FGD4: variants seen among roughly 807,000 people sequenced by gnomAD.
FGD4 encodes the protein FYVE, RhoGEF and PH domain-containing protein 4.
FGD4 carries 42 observed loss-of-function variants against 102.0 expected under a neutral mutation model. The observed-to-expected ratio is 0.41, with a 90% CI of 0.32 to 0.53. The LOEUF (loss-of-function observed/expected upper bound fraction) is 0.53. Ranked by LOEUF, FGD4 falls within the 20% of genes least tolerant of loss-of-function variation. The probability of loss-of-function intolerance (pLI) is 0.21; values close to 1 mark genes in which losing one functional copy is unlikely to be tolerated. For synonymous variants in FGD4, 380 were observed against 375.7 expected, an observed-to-expected ratio of 1.01 and a Z score of -0.13; for missense variants, 902 against 1,078.2, an observed-to-expected ratio of 0.84 and a Z score of 2.29.
At chr12:32,632,421 C>T (rs992834513) in intron 14 of FGD4, among the ~76,000 whole-genome samples, 2 of 152,146 alleles carry the variant, frequency 1.3e-5, no homozygotes, top group Admixed American at 6.6e-5. Context: ...TGGAGGAGTC[C>T]TCCTTGAGGA....
intron 1 of FGD4, among the ~76,000 whole-genome samples, chr12:32,464,996 G>T (rs542213980): frequency 1.3e-5 from 2 of 152,174 alleles, no homozygotes. Flanking sequence ...AAATTGTGAT[G>T]TAATAGGGAT....
intron 1 of FGD4, among the ~76,000 whole-genome samples, chr12:32,481,167 A>G (rs1240154082): frequency 2.2e-5 from 3 of 133,890 alleles, no homozygotes; most frequent in Non-Finnish European, 3.2e-5. Context: ...AGCCGGGCGC[A>G]GTGGCTCATG....
intron 7 of FGD4, among the ~76,000 whole-genome samples, chr12:32,607,325 G>A (rs1948842582): frequency 6.6e-6 from 1 of 152,110 alleles, no homozygotes; most frequent in Admixed American, 6.5e-5. Flanking sequence ...TAGCTACTTG[G>A]AAGGCTGAGG....
intron 1 of FGD4, among the ~76,000 whole-genome samples, chr12:32,461,404 T>C (rs117441366): frequency 3.9e-5 from 6 of 152,308 alleles, no homozygotes; most frequent in Non-Finnish European, 8.8e-5. Flanking sequence ...TCACATGTTA[T>C]AGAAAAATAC....
intron 1 of FGD4, among the ~76,000 whole-genome samples, chr12:32,453,237 ATTTTTTTTT>A (rs60006767): frequency 0.056 from 5,030 of 90,100 alleles, 198 homozygotes; most frequent in Non-Finnish European, 0.075. Context: ...ATATATATAT[ATTTTTTTTT>A]TTTTAAATGT....
chr12:32,619,911 G>A (rs1384687864), intron 11 of FGD4, 41 bp downstream of exon 11: 1 of 1,606,122 alleles, frequency 6.2e-7, no homozygotes, highest in Non-Finnish European at 8.5e-7. Context: ...CCAAAATCAG[G>A]CAACAGAATG....
At chr12:32,497,527 G>T (rs1376409145) in intron 1 of FGD4, among the ~76,000 whole-genome samples, 3 of 152,116 alleles carry the variant, frequency 2.0e-5, no homozygotes, top group African/African-American at 7.2e-5. Flanking sequence ...GGCTTTTTGG[G>T]TTCACTGATA....
At chr12:32,542,564 A>T (rs534964344) in intron 1 of FGD4, among the ~76,000 whole-genome samples, 47 of 152,312 alleles carry the variant, frequency 3.1e-4, no homozygotes, top group Non-Finnish European at 6.0e-4. Flanking sequence ...GAATAAATGG[A>T]AAATAGTTTG....
intron 1 of FGD4, among the ~76,000 whole-genome samples, chr12:32,440,501 TAC>T (rs775200156): frequency 1.3e-5 from 2 of 152,184 alleles, no homozygotes; most frequent in South Asian, 4.1e-4. Flanking sequence ...CTCCCAAACA[TAC>T]AGAGTCCCTG....
At chr12:32,498,748 G>T (rs557002548) in intron 1 of FGD4, among the ~76,000 whole-genome samples, 88 of 152,112 alleles carry the variant, frequency 5.8e-4, no homozygotes, top group African/African-American at 2.1e-3. Context: ...GACCACAGGC[G>T]CACACCACCA....
chr12:32,408,630 T>A (rs2733705), intron 1 of FGD4, among the ~76,000 whole-genome samples: 2 of 151,928 alleles, frequency 1.3e-5, no homozygotes, highest in Non-Finnish European at 2.9e-5. Context: ...ACTGTGTGGA[T>A]CTGCCTTGCT....
intron 1 of FGD4, among the ~76,000 whole-genome samples, chr12:32,419,645 G>A (rs1490490127): frequency 1.3e-5 from 2 of 152,218 alleles, no homozygotes; most frequent in Non-Finnish European, 2.9e-5. Context: ...GCTTGCCTAG[G>A]AATTGCAGTC....
chr12:32,564,190 A>G lies in FGD4; in HGVS notation c.220A>G (p.Thr74Ala). Residue 74 changes from threonine to alanine, a missense_variant, in exon 2 of 17, where the codon ACA becomes GCA. Coordinates refer to ENST00000534526, the MANE Select transcript of FGD4 (RefSeq NM_001370298.3). ...ALVPPCSTSSTTTLVGENVSE... is the reference protein window; with the variant it reads ...ALVPPCSTSSATTLVGENVSE... ...AGTTCCACCTTGCTCCACAAGCAGC[A>G]CAACCACACTGGTTGGTGAGAATGT... 1 of 1,536,176 alleles carries G rather than the reference A, an allele frequency of 6.5e-7. No individual in the cohort carries two copies. Among genetic ancestry groups the G allele is most frequent in the Non-Finnish European group, 8.7e-7 (1 of 1,146,912 alleles).
At chr12:32,557,361 C>A (rs563827435) in intron 1 of FGD4, among the ~76,000 whole-genome samples, 1 of 152,262 alleles carries the variant, frequency 6.6e-6, no homozygotes, top group East Asian at 1.9e-4. Flanking sequence ...TGCTATCTTC[C>A]CTCTCTTTCA....
intron 1 of FGD4, among the ~76,000 whole-genome samples, chr12:32,558,486 G>A (rs1944291056): frequency 6.6e-6 from 1 of 152,190 alleles, no homozygotes; most frequent in Admixed American, 6.5e-5. Context: ...TGTGGTAAGA[G>A]GTCAGGCTCG....
At chr12:32,420,991 C>G (rs758313999) in intron 1 of FGD4, among the ~76,000 whole-genome samples, 1 of 152,128 alleles carries the variant, frequency 6.6e-6, no homozygotes, top group Non-Finnish European at 1.5e-5. Flanking sequence ...CTCCTGGGCT[C>G]AAGTGATCCT....
intron 1 of FGD4, among the ~76,000 whole-genome samples, chr12:32,440,365 A>G (rs1472496309): frequency 2.0e-5 from 3 of 152,236 alleles, no homozygotes; most frequent in Non-Finnish European, 4.4e-5. Context: ...GGGGCACCCC[A>G]AGCTCAGTAA....
intron 14 of FGD4, 135 bp from the exon 15 acceptor site, chr12:32,633,414 T>C (rs887337866): frequency 1.6e-5 from 14 of 883,524 alleles, no homozygotes; most frequent in Non-Finnish European, 1.9e-5. Flanking sequence ...CTAGTGTTTA[T>C]AGGGATGTTC....
chr12:32,535,042 G>A (rs944296075), intron 1 of FGD4, among the ~76,000 whole-genome samples: 6 of 152,128 alleles, frequency 3.9e-5, no homozygotes, highest in African/African-American at 1.4e-4. Flanking sequence ...AATTGTTAGT[G>A]GTAGTAGTAT....
Sources: allele counts gnomAD v4.1 joint callset (sites outside exome capture counted in the v4.1 genomes callset), GRCh38; gene constraint gnomAD v4.1.1; transcripts MANE v1.5; gene names NCBI Gene and HGNC (gene_info 2026-07-23, HGNC 2026-07-21).